SMCO4: variants seen among roughly 807,000 people sequenced by gnomAD.
SMCO4 encodes the protein single-pass membrane and coiled-coil domain-containing protein 4.
In SMCO4, 4 loss-of-function variants were observed where a neutral mutation model predicts 3.6. The ratio of observed to expected loss-of-function variants is 1.11; its 90% CI spans 0.54 to 2.53. SMCO4 has a LOEUF of 2.53. SMCO4 is among the 30% of genes most tolerant of loss of function. The pLI is 0.02. For synonymous variants in SMCO4, 36 were observed against 35.3 expected, an observed-to-expected ratio of 1.02 and a Z score of -0.07; for missense variants, 70 against 80.8, an observed-to-expected ratio of 0.87 and a Z score of 0.51.
intron 1 of SMCO4, among the ~76,000 whole-genome samples, chr11:93,504,804 A>G (rs901982174): frequency 3.3e-5 from 5 of 152,094 alleles, no homozygotes; most frequent in Admixed American, 1.3e-4. Context: ...TCTGTTTTGC[A>G]TGGTGGGGAA....
chr11:93,507,479 G>A (rs1948918487), intron 1 of SMCO4, among the ~76,000 whole-genome samples: 1 of 152,148 alleles, frequency 6.6e-6, no homozygotes. Context: ...CTTTTCAGAT[G>A]AGAATGGCAA....
intron 2 of SMCO4, among the ~76,000 whole-genome samples, chr11:93,490,797 G>A (rs1232374028): frequency 6.6e-6 from 1 of 152,210 alleles, no homozygotes; most frequent in African/African-American, 2.4e-5. Context: ...GAAATTATGG[G>A]GAGCCAGACT....
intron 2 of SMCO4, among the ~76,000 whole-genome samples, chr11:93,494,001 T>G (rs1443172072): frequency 6.6e-6 from 1 of 152,164 alleles, no homozygotes; most frequent in Non-Finnish European, 1.5e-5. Flanking sequence ...TCATCTTTAT[T>G]GATGAGGAAA....
chr11:93,493,614 G>A (rs1397864346), intron 2 of SMCO4, among the ~76,000 whole-genome samples: 3 of 152,130 alleles, frequency 2.0e-5, no homozygotes, highest in African/African-American at 7.2e-5. Flanking sequence ...AGAAACCCAT[G>A]TCTGATCTTA....
At chr11:93,539,265 G>GT (rs2134641303) in intron 1 of SMCO4, among the ~76,000 whole-genome samples, 1 of 143,402 alleles carries the variant, frequency 7.0e-6, no homozygotes, top group South Asian at 2.1e-4. Flanking sequence ...TGACTCAAGG[G>GT]TAAAAAAAAA....
intron 1 of SMCO4, among the ~76,000 whole-genome samples, chr11:93,501,819 T>C (rs1035316733): frequency 1.3e-5 from 2 of 152,040 alleles, no homozygotes; most frequent in African/African-American, 4.8e-5. Context: ...ACATGGTGTA[T>C]ACTGTACCTT....
intron 1 of SMCO4, among the ~76,000 whole-genome samples, chr11:93,510,685 C>T (rs775988574): frequency 3.9e-5 from 6 of 152,076 alleles, no homozygotes; most frequent in Admixed American, 6.5e-5. Context: ...TCTTGATCTG[C>T]GGCTCAGGAC....
chr11:93,537,264 A>T (rs756496837), intron 1 of SMCO4, among the ~76,000 whole-genome samples: 1 of 152,222 alleles, frequency 6.6e-6, no homozygotes, highest in Non-Finnish European at 1.5e-5. Flanking sequence ...GGCTCCTGGG[A>T]TTGCAGGGAC....
chr11:93,550,656 CAGTG>C, the SMCO4 span, among the ~76,000 whole-genome samples: 1 of 152,046 alleles, frequency 6.6e-6, no homozygotes. Context: ...GCCTGGGTGA[CAGTG>C]AGACCCTGAA....
chr11:93,548,865 C>T, the SMCO4 span, among the ~76,000 whole-genome samples: 1 of 152,114 alleles, frequency 6.6e-6, no homozygotes, highest in Non-Finnish European at 1.5e-5. Context: ...GCTTAAATAC[C>T]CTCTAGAGGT....
chr11:93,508,322 G>C lies in SMCO4; in HGVS notation c.-153-8974C>G, dbSNP rs16919011. Among the ~76,000 whole-genome samples, 1,085 of 152,276 alleles carry C rather than the reference G, an allele frequency of 7.1e-3. 17 individuals are homozygous for C. The highest frequency in any genetic ancestry group is 0.025 in the African/African-American group (1,050 of 41,542). ...GCTGAGTACGAAAATGGTATGGACA[G>C]ATTTGCCTTTTAGAAAAAGCAAGGA... On this transcript the variant is annotated intron_variant, in intron 1 of 2. Transcript: ENST00000298966.
intron 1 of SMCO4, chr11:93,535,795 G>GCAGCAGCAGCAA (rs938034152): frequency 6.2e-7 from 1 of 1,613,480 alleles, no homozygotes; most frequent in Non-Finnish European, 8.5e-7. Context: ...CAAAGCAGCA[G>GCAGCAGCAGCAA]CAGCAGCAGC....
intron 1 of SMCO4, chr11:93,535,908 A>C (rs1949220732): frequency 6.3e-7 from 1 of 1,577,620 alleles, no homozygotes; most frequent in East Asian, 2.3e-5. Flanking sequence ...TGGTTCCCCC[A>C]CAGTAGGTGT....
chr11:93,489,502 G>A (rs987708397), intron 2 of SMCO4, among the ~76,000 whole-genome samples: 1 of 152,140 alleles, frequency 6.6e-6, no homozygotes, highest in African/African-American at 2.4e-5. Flanking sequence ...CACCAGCTTG[G>A]GGCCCACTGC....
At chr11:93,530,158 G>A (rs1234810556) in intron 1 of SMCO4, among the ~76,000 whole-genome samples, 1 of 152,180 alleles carries the variant, frequency 6.6e-6, no homozygotes, top group Non-Finnish European at 1.5e-5. Context: ...ATCTACCCAG[G>A]TTAAAGACCA....
intron 2 of SMCO4, among the ~76,000 whole-genome samples, chr11:93,498,652 C>T (rs956934239): frequency 1.3e-5 from 2 of 152,194 alleles, no homozygotes; most frequent in African/African-American, 4.8e-5. Flanking sequence ...AGCTTCATTT[C>T]ACCAATAGCC....
chr11:93,535,770 C>T, intron 1 of SMCO4: 1 of 1,601,964 alleles, frequency 6.2e-7, no homozygotes, highest in Non-Finnish European at 8.5e-7. Context: ...ACAAAAAGAA[C>T]AAAACTAAGA....
chr11:93,487,968 C>A (rs1451764345), intron 2 of SMCO4, among the ~76,000 whole-genome samples: 1 of 152,198 alleles, frequency 6.6e-6, no homozygotes, highest in African/African-American at 2.4e-5. Context: ...CAGCTATGAA[C>A]AAAACAAGCA....
chr11:93,526,418 A>G (rs1366914982), intron 1 of SMCO4, among the ~76,000 whole-genome samples: 1 of 152,162 alleles, frequency 6.6e-6, no homozygotes, highest in Non-Finnish European at 1.5e-5. Context: ...AAGAGATGAG[A>G]GTTTTGGGGA....
Sources: gnomAD v4.1 joint callset for allele counts (sites outside exome capture counted in the v4.1 genomes callset) on GRCh38, gnomAD v4.1.1 for gene constraint, MANE v1.5 for transcripts, NCBI Gene and HGNC (gene_info 2026-07-23, HGNC 2026-07-21) for gene names.